PLEKHG1: variants seen among roughly 807,000 people sequenced by gnomAD.
PLEKHG1 encodes pleckstrin homology domain-containing family G member 1.
PLEKHG1 carries 44 observed loss-of-function variants against 100.8 expected under a neutral mutation model. The observed-to-expected ratio is 0.44, with a 90% CI of 0.34 to 0.56. PLEKHG1 has a LOEUF of 0.56. PLEKHG1 is among the 20% of genes least tolerant of loss of function. PLEKHG1 has a pLI of 0.01. For synonymous variants in PLEKHG1, 640 were observed against 662.5 expected (o/e 0.97, Z 0.52); for missense variants, 1,545 against 1,720.9 (o/e 0.90, Z 1.81).
In PLEKHG1 at chr6:150,791,466, A is replaced by G. The variant is rs142189729; in HGVS notation, c.583-4390A>G. Among the ~76,000 whole-genome samples the G allele has an allele frequency of 1.1e-4, 17 of 152,186 alleles. 1 individual carries two copies. In the East Asian group the frequency reaches 3.3e-3, roughly 29 times the overall value. ...CATTTGAGGCCTGGAGCTTGAGACC[A>G]GCCTGGCAAATATGGCAAAACCCCA... On this transcript the variant is annotated intron_variant, in intron 4 of 15. Transcript: ENST00000358517.
At chr6:150,749,984 ATCGCT>A (rs1783401546) in intron 2 of PLEKHG1, among the ~76,000 whole-genome samples, 1 of 151,556 alleles carries the variant, frequency 6.6e-6, no homozygotes, top group African/African-American at 2.4e-5. Flanking sequence ...AGGCAGGAGA[ATCGCT>A]TGAAACCAGG....
chr6:150,660,149 A>T (rs1303124873), intron 3 of PLEKHG1, among the ~76,000 whole-genome samples: 2 of 151,318 alleles, frequency 1.3e-5, no homozygotes, highest in Non-Finnish European at 2.9e-5. Flanking sequence ...GCCTCAAGTG[A>T]TCTGCCTGCC....
intron 1 of PLEKHG1, among the ~76,000 whole-genome samples, chr6:150,731,003 T>A (rs912812080): frequency 2.6e-5 from 4 of 152,050 alleles, no homozygotes; most frequent in Admixed American, 2.6e-4. Context: ...CCCAAGTGAG[T>A]GCCCATTTCC....
intron 3 of PLEKHG1, among the ~76,000 whole-genome samples, chr6:150,781,953 T>C (rs1785338379): frequency 6.6e-6 from 1 of 151,228 alleles, no homozygotes. Context: ...TTTTTTTTTG[T>C]ATTTTCAGTA....
chr6:150,647,700 T>C (rs760273881), intron 2 of PLEKHG1, among the ~76,000 whole-genome samples: 5 of 152,132 alleles, frequency 3.3e-5, no homozygotes, highest in African/African-American at 9.7e-5. Context: ...TGTAATGAAG[T>C]TTTGTTTTGA....
chr6:150,828,340 C>A, intron 14 of PLEKHG1: 2 of 1,611,300 alleles, frequency 1.2e-6, no homozygotes, highest in Non-Finnish European at 1.7e-6. Context: ...CTCAGTGCGG[C>A]GCTCTGTCCT....
intron 7 of PLEKHG1, among the ~76,000 whole-genome samples, chr6:150,805,174 A>G (rs1786992730): frequency 6.6e-6 from 1 of 152,074 alleles, no homozygotes; most frequent in Admixed American, 6.6e-5. Flanking sequence ...ACCTCAGGTG[A>G]TCCGCCTGCC....
intron 1 of PLEKHG1, among the ~76,000 whole-genome samples, chr6:150,617,698 C>T (rs1164585861): frequency 6.6e-6 from 1 of 152,202 alleles, no homozygotes; most frequent in Non-Finnish European, 1.5e-5. Flanking sequence ...CAGCTGCCAA[C>T]TGCTCTAAGT....
intron 4 of PLEKHG1, among the ~76,000 whole-genome samples, chr6:150,787,612 C>T (rs1055394484): frequency 8.5e-5 from 13 of 152,326 alleles, no homozygotes; most frequent in South Asian, 2.1e-4. Flanking sequence ...TTAGCACACG[C>T]GGAGTCCGGT....
intron 15 of PLEKHG1, 99 bp downstream of exon 16, chr6:150,832,304 GAC>G (rs1209275212): frequency 9.3e-6 from 9 of 964,180 alleles, no homozygotes; most frequent in Non-Finnish European, 1.4e-5. Flanking sequence ...TGAGAACACT[GAC>G]ACTCAAGCTT....
intron 1 of PLEKHG1, among the ~76,000 whole-genome samples, chr6:150,630,427 G>A (rs1007453178): frequency 6.6e-6 from 1 of 152,202 alleles, no homozygotes; most frequent in Non-Finnish European, 1.5e-5. Flanking sequence ...TGTCTGCTGA[G>A]AGTGCAGCCC....
chr6:150,815,101 G>A (rs1419815589), intron 10 of PLEKHG1, among the ~76,000 whole-genome samples: 1 of 152,166 alleles, frequency 6.6e-6, no homozygotes, highest in Non-Finnish European at 1.5e-5. Flanking sequence ...TCATTAAAGT[G>A]AACTTTCCAC....
intron 1 of PLEKHG1, among the ~76,000 whole-genome samples, chr6:150,611,088 T>G (rs1776807664): frequency 6.6e-6 from 1 of 152,238 alleles, no homozygotes; most frequent in Non-Finnish European, 1.5e-5. Flanking sequence ...ATACTCATCC[T>G]TCTGTTCCCA....
chr6:150,788,552 C>T (rs1357519134), intron 4 of PLEKHG1, among the ~76,000 whole-genome samples: 1 of 152,136 alleles, frequency 6.6e-6, no homozygotes, highest in Non-Finnish European at 1.5e-5. Context: ...AGAATGAACC[C>T]ACAGTTCTCC....
At chr6:150,746,896 T>C (rs973289550) in intron 2 of PLEKHG1, among the ~76,000 whole-genome samples, 2 of 152,254 alleles carry the variant, frequency 1.3e-5, no homozygotes, top group Non-Finnish European at 2.9e-5. Flanking sequence ...TCAGTTCATT[T>C]GCAAGCTCAA....
chr6:150,748,918 C>T (rs558152213), intron 2 of PLEKHG1, among the ~76,000 whole-genome samples: 3 of 152,242 alleles, frequency 2.0e-5, no homozygotes, highest in Non-Finnish European at 4.4e-5. Flanking sequence ...TGAGCCACTG[C>T]ACCTATCTTT....
At chr6:150,839,869 A>G in exon 16 of PLEKHG1, 1 of 1,613,646 alleles carries the variant, frequency 6.2e-7, no homozygotes, top group South Asian at 1.1e-5. Flanking sequence ...TTGTATGACC[A>G]GATTGTATTC....
intron 2 of PLEKHG1, among the ~76,000 whole-genome samples, chr6:150,646,378 G>C (rs1778499150): frequency 6.6e-6 from 1 of 152,024 alleles, no homozygotes; most frequent in South Asian, 2.1e-4. Context: ...ACAGTAATTA[G>C]GGGGATGAAA....
At chr6:150,695,153 A>G (rs571484283) in intron 3 of PLEKHG1, among the ~76,000 whole-genome samples, 2 of 152,338 alleles carry the variant, frequency 1.3e-5, no homozygotes, top group East Asian at 1.9e-4. Flanking sequence ...AGATTCAGCA[A>G]CAAGTTTCTA....
Sources: allele counts gnomAD v4.1 joint callset (sites outside exome capture counted in the v4.1 genomes callset), GRCh38; gene constraint gnomAD v4.1.1; transcripts MANE v1.5; gene names NCBI Gene and HGNC (gene_info 2026-07-23, HGNC 2026-07-21).